RASGRP4: variants seen among roughly 807,000 people sequenced by gnomAD.
The protein encoded by RASGRP4 is RAS guanyl-releasing protein 4.
Under a neutral mutation model 84.4 loss-of-function variants are expected in RASGRP4, and 52 were observed. That is an observed-to-expected ratio of 0.62 (90% CI 0.49 to 0.78). The LOEUF (loss-of-function observed/expected upper bound fraction) is 0.78, where lower values mean the gene tolerates loss of function less well. Ranked by LOEUF, RASGRP4 falls within the 30% of genes least tolerant of loss-of-function variation. RASGRP4 has a pLI of 0.00. For missense variants in RASGRP4, 760 were observed against 886.9 expected, an observed-to-expected ratio of 0.86 and a Z score of 1.82; for synonymous variants, 356 against 359.1, an observed-to-expected ratio of 0.99 and a Z score of 0.10.
chr19:38,414,917 C>T lies in RASGRP4; in HGVS notation c.1161G>A (p.Gln387=). 6.2e-7 allele frequency: 1 copy of T among 1,611,892 alleles called. No individual in the cohort carries two copies. The highest frequency in any genetic ancestry group is 1.3e-5 in the African/African-American group (1 of 75,058). Residue 387 remains glutamine (Q), a synonymous_variant, in exon 9 of 17, where the codon CAG becomes CAA. Transcript: ENST00000615439. The part of the protein sequence containing the change: ...PKLNNLYLRL[Q]ELVALQGQHP... ...GCTGCCCTTGGAGGGCCACCAGCTC[C>T]TGCAGCCGCAGGTAGAGGTTGTTCA...
intron 8 of RASGRP4, among the ~76,000 whole-genome samples, chr19:38,415,487 C>T (rs1187394904): frequency 6.6e-6 from 1 of 151,360 alleles, no homozygotes; most frequent in East Asian, 2.0e-4. Context: ...ATTCTCCTGC[C>T]TCAGCCTCCC....
rs1971311983 is a variant in RASGRP4 at position 38,412,684 on chromosome 19, G to T, written c.1668C>A (p.Ser556Arg). The change falls in exon 13 of 17, where the codon AGC becomes AGA. Residue 556 changes from serine (S) to arginine (R), a missense_variant. Coordinates refer to ENST00000615439, the MANE Select transcript of RASGRP4 (RefSeq NM_170604.3). The surrounding 1 kb of genome is among the most constrained non-coding windows in gnomAD (Gnocchi z 4.6). ...GTGGGGTGCTCACGAAGCCACTGCA[G>T]CTGTCGCAGAAGGTAGGCTTTCGGA... is the stretch of plus-strand genomic sequence containing the variant. ...VTFRKPTFCD[S>R]CSGFLWGVTK... The T allele has an allele frequency of 1.9e-6, 3 of 1,613,366 alleles. No individual in the cohort carries two copies. Among genetic ancestry groups the T allele is most frequent in the Non-Finnish European group, 2.5e-6 (3 of 1,179,648 alleles).
chr19:38,422,151 T>C lies in RASGRP4; in HGVS notation c.26A>G (p.Lys9Arg). The C allele has an allele frequency of 6.2e-7, 1 of 1,607,898 alleles. No homozygotes were observed. Among genetic ancestry groups the C allele is most frequent in the Non-Finnish European group, 8.5e-7 (1 of 1,177,506 alleles). Residue 9 changes from lysine to arginine, a missense_variant and splice_region_variant, in exon 2 of 17, where the codon AAG becomes AGG. Coordinates refer to ENST00000615439, the MANE Select transcript of RASGRP4 (RefSeq NM_170604.3). ...TTTTCCGGTGCATTCCTGGTGGGACTTCCTGTGGGCACAGCCCCCAAGGAG... is the reference window on the plus strand; with the variant it reads ...TTTTCCGGTGCATTCCTGGTGGGACCTCCTGTGGGCACAGCCCCCAAGGAG... The part of the protein sequence containing the change: MNRKDSKR[K>R]SHQECTGKIG...
At position 38,413,539 on chromosome 19, in the gene RASGRP4, C is replaced by T. The variant is rs549507141; in HGVS notation, c.1231-65G>A. On this transcript the variant is annotated intron_variant, in intron 9 of 16. Coordinates refer to ENST00000615439, the MANE Select transcript of RASGRP4 (RefSeq NM_170604.3). The surrounding 1 kb of genome is among the most constrained non-coding windows in gnomAD (Gnocchi z 4.7). ...GCCCTGCCCCAGACCCCCACACCCA[C>T]TCGCAGGCTCTTCCCAAAGCCCCTC... 53 of 1,344,878 alleles carry T rather than the reference C, an allele frequency of 3.9e-5. No homozygotes were observed. Among genetic ancestry groups the T allele is most frequent in the Admixed American group, 3.4e-4 (17 of 50,160 alleles). The allele number at this position is 1,344,878 out of a possible 1,614,324, so 83.3% of individuals were successfully genotyped here. A position where few individuals can be genotyped will look rare whatever the true frequency, so the allele number is the denominator to read the frequency against.
rs1186416247 is a variant in RASGRP4 at position 38,417,173 on chromosome 19, G to C, written c.838-5C>G. On this transcript the variant is annotated splice_region_variant and splice_polypyrimidine_tract_variant and intron_variant, in intron 7 of 16. Coordinates refer to ENST00000615439, the MANE Select transcript of RASGRP4 (RefSeq NM_170604.3). The surrounding 1 kb of genome is among the most constrained non-coding windows in gnomAD (Gnocchi z 5.1). ...ATTCTGCAGCTGGTGGAGCCTCTAG[G>C]AAGAGAAGCATGCACACAGGGCCGT... The C allele has an allele frequency of 2.6e-6, 4 of 1,546,102 alleles. No individual in the cohort carries two copies. Among genetic ancestry groups the C allele is most frequent in the African/African-American group, 2.7e-5 (2 of 72,976 alleles).
Position 38,413,529 on chromosome 19 carries a change from C to A in RASGRP4, c.1231-55G>T. On this transcript the variant is annotated intron_variant, in intron 9 of 16. Transcript: ENST00000615439. This position sits in a 1 kb window ranked among gnomAD's most constrained non-coding sequence, Gnocchi z 4.7. ...CCCATCTATAGCCCTGCCCCAGACC[C>A]CCACACCCACTCGCAGGCTCTTCCC... The A allele has an allele frequency of 7.0e-7, 1 of 1,423,990 alleles. No individual in the cohort carries two copies. Among genetic ancestry groups the A allele is most frequent in the South Asian group, 1.2e-5 (1 of 81,542 alleles). 88.2% of individuals were successfully genotyped at this position (1,423,990 alleles called of 1,614,324 possible).
rs374491405 is a variant in RASGRP4 at position 38,417,176 on chromosome 19, G to A, written c.838-8C>T. On this transcript the variant is annotated splice_region_variant and splice_polypyrimidine_tract_variant and intron_variant, in intron 7 of 16. Coordinates refer to ENST00000615439, the MANE Select transcript of RASGRP4 (RefSeq NM_170604.3). The surrounding 1 kb of genome is among the most constrained non-coding windows in gnomAD (Gnocchi z 5.1). ...CTGCAGCTGGTGGAGCCTCTAGGAA[G>A]AGAAGCATGCACACAGGGCCGTCAC... The A allele has an allele frequency of 6.5e-7, 1 of 1,540,484 alleles. No homozygotes were observed. Among genetic ancestry groups the A allele is most frequent in the Non-Finnish European group, 8.8e-7 (1 of 1,136,010 alleles).
intron 4 of RASGRP4, among the ~76,000 whole-genome samples, chr19:38,420,503 T>G (rs1600572604): frequency 6.8e-6 from 1 of 146,274 alleles, no homozygotes; most frequent in African/African-American, 2.6e-5. Context: ...CACTTGGAAG[T>G]GGGATTATTG....
Position 38,410,883 on chromosome 19 carries a change from C to T in RASGRP4, c.1965+3G>A, listed in dbSNP as rs933605412. On this transcript the variant is annotated splice_donor_region_variant and intron_variant, in intron 16 of 16. Coordinates refer to ENST00000615439, the MANE Select transcript of RASGRP4 (RefSeq NM_170604.3). ...CTTGGGGGTAGGGGCGGTTTCTCCT[C>T]ACCGTATCTGTTTCCCAGGAAGGGT... The T allele has an allele frequency of 1.3e-6, 2 of 1,585,728 alleles. No homozygotes were observed. Among genetic ancestry groups the T allele is most frequent in the Non-Finnish European group, 1.7e-6 (2 of 1,165,354 alleles).
Position 38,426,084 on chromosome 19 carries a change from C to A in RASGRP4, c.8G>T (p.Arg3Ile). ...GTCCTCTCACCTCTTACTGTCTTTT[C>A]TGTTCATGCTTCCCGCGTGGGGTGA... MN[R>I]KDSKRKSHQE... Residue 3 changes from arginine to isoleucine, a missense_variant, in exon 1 of 17, where the codon AGA (arginine) becomes ATA (isoleucine). Coordinates refer to ENST00000615439, the MANE Select transcript of RASGRP4 (RefSeq NM_170604.3). The A allele has an allele frequency of 7.4e-7, 1 of 1,344,468 alleles. No individual in the cohort carries two copies. The highest frequency in any genetic ancestry group is 9.6e-7 in the Non-Finnish European group (1 of 1,038,646). The allele number at this position is 1,344,468 out of a possible 1,614,324, so 83.3% of individuals were successfully genotyped here. A position where few individuals can be genotyped will look rare whatever the true frequency, so the allele number is the denominator to read the frequency against.
intron 1 of RASGRP4, among the ~76,000 whole-genome samples, chr19:38,423,855 A>C (rs963645097): frequency 1.4e-4 from 21 of 151,802 alleles, no homozygotes; most frequent in African/African-American, 5.1e-4. Flanking sequence ...AATAATAATA[A>C]TAGTAATAAT....
At position 38,413,345 on chromosome 19, in the gene RASGRP4, G is replaced by A. The variant is rs769601621; in HGVS notation, c.1312-48C>T. 3 of 1,602,306 alleles carry A rather than the reference G, an allele frequency of 1.9e-6. No individual in the cohort carries two copies. The highest frequency in any genetic ancestry group is 2.2e-5 in the South Asian group (2 of 90,350). On this transcript the variant is annotated intron_variant, in intron 10 of 16. Transcript: ENST00000615439. The surrounding 1 kb of genome is among the most constrained non-coding windows in gnomAD (Gnocchi z 4.7). ...CAGTTAGTCACTGCATAGGCTTAGG[G>A]GGGGTTCGAGGTAATTGGGGGAGTC...
Position 38,412,726 on chromosome 19 carries a change from G to T in RASGRP4, c.1626C>A (p.Thr542=). 6.2e-7 allele frequency: 1 copy of T among 1,612,916 alleles called. No individual in the cohort carries two copies. Among genetic ancestry groups the T allele is most frequent in the South Asian group, 1.1e-5 (1 of 90,870 alleles). ...CSKLGLAFLH[T]FHEVTFRKPT... ...GCTTTCGGAAGGTGACCTCATGGAA[G>T]GTGTGCAGGAAGGCCAGGCCCAACT... Residue 542 remains threonine (T), a synonymous_variant, in exon 13 of 17, where the codon ACC becomes ACA. Coordinates refer to ENST00000615439, the MANE Select transcript of RASGRP4 (RefSeq NM_170604.3). The surrounding 1 kb of genome is among the most constrained non-coding windows in gnomAD (Gnocchi z 4.6).
At position 38,412,988 on chromosome 19, in the gene RASGRP4, C is replaced by T. The variant is rs775615920; in HGVS notation, c.1478G>A (p.Arg493Gln). 5.6e-6 allele frequency: 9 copies of T among 1,614,034 alleles called. No homozygotes were observed. The highest frequency in any genetic ancestry group is 1.7e-5 in the Admixed American group (1 of 60,030). Residue 493 changes from arginine (R) to glutamine (Q), a missense_variant, in exon 12 of 17, where the codon CGA (arginine) becomes CAA (glutamine). Coordinates refer to ENST00000615439, the MANE Select transcript of RASGRP4 (RefSeq NM_170604.3). The surrounding 1 kb of genome is among the most constrained non-coding windows in gnomAD (Gnocchi z 4.6). The stretch of plus-strand genomic sequence containing the variant: ...GGCGAAGGGAAAATTGCCCGAGAGT[C>T]GCTCAAAGTCCTCCTGAGAGATTGT... The part of the protein sequence containing the change: ...RGTISQEDFE[R>Q]LSGNFPFACH...
In RASGRP4 at chr19:38,412,327, C is replaced by T; in HGVS notation, c.1680+345G>A. The stretch of plus-strand genomic sequence containing the variant: ...GAGACGGGGTCTCTCTTGCTATGTT[C>T]CCTAGGCTGGTCTTGAACTCTTGAG... On this transcript the variant is annotated intron_variant, in intron 13 of 16. Coordinates refer to ENST00000615439, the MANE Select transcript of RASGRP4 (RefSeq NM_170604.3). The surrounding 1 kb of genome is among the most constrained non-coding windows in gnomAD (Gnocchi z 4.6). 3.6e-6 allele frequency: 1 copy of T among 278,304 alleles called. No individual in the cohort carries two copies. The highest frequency in any genetic ancestry group is 6.9e-6 in the Non-Finnish European group (1 of 145,326). The allele number at this position is 278,304 out of a possible 1,614,324, so 17.2% of individuals were successfully genotyped here.
chr19:38,420,043 G>A (rs757185385), intron 5 of RASGRP4, 30 bp from the exon 6 acceptor site: 23 of 1,611,226 alleles, frequency 1.4e-5, no homozygotes, highest in Non-Finnish European at 2.0e-5. Context: ...GGGTATTGGA[G>A]TGGCTCACAG....
intron 6 of RASGRP4, among the ~76,000 whole-genome samples, chr19:38,419,510 G>A (rs1971644351): frequency 6.6e-6 from 1 of 152,172 alleles, no homozygotes; most frequent in Non-Finnish European, 1.5e-5. Context: ...TCAGCTCACT[G>A]TAATCTCCGC....
intron 8 of RASGRP4, among the ~76,000 whole-genome samples, chr19:38,415,718 A>C (rs544017814): frequency 4.6e-5 from 7 of 152,024 alleles, no homozygotes; most frequent in Admixed American, 4.6e-4. Context: ...TCTGTCACCC[A>C]GGCTGGAGTA....
Position 38,420,146 on chromosome 19 carries a change from C to T in RASGRP4, c.494G>A (p.Gly165Glu), listed in dbSNP as rs1039909424. The T allele has an allele frequency of 6.2e-7, 1 of 1,613,314 alleles. No homozygotes were observed. Among genetic ancestry groups the T allele is most frequent in the Non-Finnish European group, 8.5e-7 (1 of 1,179,546 alleles). Residue 165 changes from glycine to glutamate, a missense_variant, in exon 5 of 17, where the codon GGA becomes GAA. Physicochemically the swap from Gly to Glu is moderately conservative, Grantham distance 98 (BLOSUM62 -2). Coordinates refer to ENST00000615439, the MANE Select transcript of RASGRP4 (RefSeq NM_170604.3). ...REGNSAQRRL[G>E]DSSDLLSPGG... Reference sequence around the variant, plus strand: ...GCTGACTCACAGGTCAGAAGAGTCTCCCAGTCTTCTCTGGGCTGAGTTGCC... The same window carrying T: ...GCTGACTCACAGGTCAGAAGAGTCTTCCAGTCTTCTCTGGGCTGAGTTGCC...
Sources: gnomAD v4.1 joint callset for allele counts (sites outside exome capture counted in the v4.1 genomes callset) on GRCh38, gnomAD v4.1.1 for gene constraint, Gnocchi (gnomAD v3.1) non-coding constraint, MANE v1.5 for transcripts, NCBI Gene and HGNC (gene_info 2026-07-23, HGNC 2026-07-21) for gene names.